Variants in ZBTB20 observed in about 807,000 individuals in gnomAD.
ZBTB20 encodes the protein zinc finger and BTB domain containing 20.
ZBTB20 carries 9 observed loss-of-function variants against 56.9 expected under a neutral mutation model. That is an observed-to-expected ratio of 0.16 (90% CI 0.10 to 0.28). The LOEUF is 0.28. ZBTB20 is among the 10% of genes least tolerant of loss of function. The pLI, the probability that ZBTB20 is intolerant of heterozygous loss-of-function variation, is 1.00. For synonymous variants in ZBTB20, 417 were observed against 420.7 expected, an observed-to-expected ratio of 0.99 and a Z score of 0.11; for missense variants, 655 against 1,003.0, an observed-to-expected ratio of 0.65 and a Z score of 4.69.
intron 5 of ZBTB20, among the ~76,000 whole-genome samples, chr3:114,694,695 T>C (rs568619988): frequency 6.6e-6 from 1 of 152,164 alleles, no homozygotes; most frequent in South Asian, 2.1e-4. Context: ...GCTAGAATCA[T>C]AAGTATCTAA....
intron 7 of ZBTB20, among the ~76,000 whole-genome samples, chr3:114,435,731 T>C (rs2090470669): frequency 6.6e-6 from 1 of 152,210 alleles, no homozygotes; most frequent in African/African-American, 2.4e-5. Flanking sequence ...TTACATATTA[T>C]TTGAATATCT....
At chr3:114,460,434 G>A (rs912991394) in intron 7 of ZBTB20, among the ~76,000 whole-genome samples, 28 of 152,232 alleles carry the variant, frequency 1.8e-4, no homozygotes, top group Non-Finnish European at 4.1e-4. Context: ...GACTCTAACT[G>A]TAATCACAAA....
At chr3:114,427,556 ACC>A in intron 7 of ZBTB20, among the ~76,000 whole-genome samples, 1 of 152,232 alleles carries the variant, frequency 6.6e-6, no homozygotes, top group Admixed American at 6.5e-5. Flanking sequence ...TGCAATGCAG[ACC>A]GAAGAGGAGA....
intron 2 of ZBTB20, among the ~76,000 whole-genome samples, chr3:115,036,926 G>C (rs542397012): frequency 6.6e-6 from 1 of 152,168 alleles, no homozygotes. Context: ...CATTAGCAGA[G>C]AGCATTCTAA....
Position 114,320,762 on chromosome 3 carries a change from A to C in ZBTB20, c.*18243T>G, listed in dbSNP as rs1035105967. On this transcript the variant is annotated 3_prime_UTR_variant, in exon 12 of 12. Coordinates refer to ENST00000675478, the MANE Select transcript of ZBTB20 (RefSeq NM_001348800.3). ...GTTGGTACTGCATCCATGTGGGGAC[A>C]ATAGAAAAAAAGTACTCAAATAGAC... 1 of 152,200 alleles carries C rather than the reference A, an allele frequency of 6.6e-6. No homozygotes were observed. The highest frequency in any genetic ancestry group is 2.4e-5 in the African/African-American group (1 of 41,452). The allele number at this position is 152,200 out of a possible 1,614,324, so 9.4% of individuals were successfully genotyped here.
intron 6 of ZBTB20, among the ~76,000 whole-genome samples, chr3:114,600,790 G>A (rs1263205997): frequency 6.6e-6 from 1 of 151,812 alleles, no homozygotes; most frequent in African/African-American, 2.4e-5. Flanking sequence ...CCCAACTCTG[G>A]GCTTAAAGTG....
At chr3:114,342,382 T>C (rs532489374) in intron 11 of ZBTB20, among the ~76,000 whole-genome samples, 1 of 152,310 alleles carries the variant, frequency 6.6e-6, no homozygotes, top group Admixed American at 6.5e-5. Flanking sequence ...TGGTCAGGAA[T>C]GGCAAGTCTG....
intron 6 of ZBTB20, chr3:114,527,406 C>A (rs1356334039): frequency 6.6e-6 from 1 of 152,168 alleles, no homozygotes; most frequent in African/African-American, 2.4e-5. Flanking sequence ...GGGCAGGAAG[C>A]CCTTTGGTAT....
chr3:115,098,583 C>A (rs2083464141), intron 1 of ZBTB20, among the ~76,000 whole-genome samples: 1 of 152,124 alleles, frequency 6.6e-6, no homozygotes, highest in East Asian at 1.9e-4. Context: ...CAAAGCCAGC[C>A]TATCCAGTTT....
At chr3:114,925,777 T>C (rs2076136557) in intron 3 of ZBTB20, among the ~76,000 whole-genome samples, 2 of 151,906 alleles carry the variant, frequency 1.3e-5, no homozygotes, top group African/African-American at 2.4e-5. Context: ...CTGCCCACCT[T>C]GGCCTCCCAA....
intron 6 of ZBTB20, among the ~76,000 whole-genome samples, chr3:114,635,699 C>A: frequency 6.7e-6 from 1 of 149,230 alleles, no homozygotes; most frequent in East Asian, 1.9e-4. Flanking sequence ...CCTAATCAAG[C>A]AGAAGAAAGA....
At chr3:114,898,050 G>A (rs527926029) in intron 4 of ZBTB20, among the ~76,000 whole-genome samples, 1 of 152,162 alleles carries the variant, frequency 6.6e-6, no homozygotes, top group South Asian at 2.1e-4. Context: ...TTATAAACAT[G>A]TATACAGTAA....
chr3:114,405,080 C>T (rs1456969393), intron 7 of ZBTB20, among the ~76,000 whole-genome samples: 1 of 151,500 alleles, frequency 6.6e-6, no homozygotes, highest in African/African-American at 2.4e-5. Context: ...GCAGTGTCCT[C>T]ATAGGAGGAA....
chr3:114,370,053 T>C (rs548151229), intron 10 of ZBTB20, among the ~76,000 whole-genome samples: 25 of 152,322 alleles, frequency 1.6e-4, no homozygotes, highest in African/African-American at 6.0e-4. Context: ...ACCAGTATAA[T>C]ATAATTACTG....
chr3:114,413,384 G>T (rs183097077), intron 7 of ZBTB20, among the ~76,000 whole-genome samples: 3 of 152,106 alleles, frequency 2.0e-5, no homozygotes, highest in Non-Finnish European at 4.4e-5. Flanking sequence ...ATTCATTAAA[G>T]GTCGATGACA....
At chr3:114,874,330 A>G (rs1360115846) in intron 4 of ZBTB20, among the ~76,000 whole-genome samples, 1 of 152,200 alleles carries the variant, frequency 6.6e-6, no homozygotes, top group African/African-American at 2.4e-5. Context: ...CATTTCATTG[A>G]TAGCTTATCA....
intron 6 of ZBTB20, among the ~76,000 whole-genome samples, chr3:114,660,102 CTTGT>C (rs1435859914): frequency 3.9e-5 from 6 of 152,072 alleles, no homozygotes; most frequent in Non-Finnish European, 8.8e-5. Context: ...ACCACTTGTG[CTTGT>C]TTAAGAAAAT....
chr3:114,841,906 G>A (rs552798073), intron 4 of ZBTB20, among the ~76,000 whole-genome samples: 3 of 152,282 alleles, frequency 2.0e-5, no homozygotes, highest in Admixed American at 2.0e-4. Context: ...GAGCCTAAGA[G>A]AGAGTTCAGA....
intron 10 of ZBTB20, among the ~76,000 whole-genome samples, chr3:114,365,508 A>AG (rs1186469204): frequency 6.6e-6 from 1 of 152,170 alleles, no homozygotes; most frequent in Admixed American, 6.5e-5. Context: ...CACAGTGTGT[A>AG]GGGGGTGGAT....
Sources: allele counts gnomAD v4.1 joint callset (sites outside exome capture counted in the v4.1 genomes callset), GRCh38; gene constraint gnomAD v4.1.1; transcripts MANE v1.5; gene names NCBI Gene and HGNC (gene_info 2026-07-23, HGNC 2026-07-21).